SLC25A43: variants seen among roughly 807,000 people sequenced by gnomAD.
The protein encoded by SLC25A43 is solute carrier family 25 member 43.
A neutral mutation model predicts 22.8 loss-of-function variants in SLC25A43; 10 were observed. The observed-to-expected ratio is 0.44, with a 90% CI of 0.27 to 0.74. The LOEUF is 0.74. SLC25A43 is among the 30% of genes least tolerant of loss of function. The pLI, the probability that SLC25A43 is intolerant of heterozygous loss-of-function variation, is 0.17. For synonymous variants in SLC25A43, 106 were observed against 121.6 expected, an observed-to-expected ratio of 0.87 and a Z score of 0.84; for missense variants, 233 against 279.1, an observed-to-expected ratio of 0.83 and a Z score of 1.18.
chrX:119,445,659 A>G (rs2052660455), intron 3 of SLC25A43, among the ~76,000 whole-genome samples: 1 of 111,887 alleles, frequency 8.9e-6, no homozygotes, highest in South Asian at 3.7e-4. Context: ...TCTGCTATGC[A>G]CCAGCTGGGG....
At chrX:119,443,722 TTTTA>T (rs771760005) in intron 3 of SLC25A43, among the ~76,000 whole-genome samples, 7 of 106,761 alleles carry the variant, frequency 6.6e-5, no homozygotes, top group East Asian at 5.7e-4. Context: ...GAGAATTATT[TTTTA>T]TTTATTTATT....
At chrX:119,446,435 G>A (rs2052669246) in intron 3 of SLC25A43, among the ~76,000 whole-genome samples, 1 of 112,036 alleles carries the variant, frequency 8.9e-6, no homozygotes, top group Non-Finnish European at 1.9e-5. Flanking sequence ...CTGTCCCTGA[G>A]CCTCAGTTTC....
At chrX:119,401,401 C>A (rs1474884219) in intron 1 of SLC25A43, among the ~76,000 whole-genome samples, 1 of 111,484 alleles carries the variant, frequency 9.0e-6, no homozygotes, top group East Asian at 2.8e-4. Context: ...ATGTCCATGA[C>A]CATAACACAC....
chrX:119,443,448 C>CT (rs370848437), intron 3 of SLC25A43, among the ~76,000 whole-genome samples: 30,554 of 72,285 alleles, frequency 0.42, 6,301 homozygotes, highest in East Asian at 0.52. Flanking sequence ...CTCTCTCTCT[C>CT]TTTTTTTTTT....
At chrX:119,452,290 T>C (rs1432445919) in intron 4 of SLC25A43, 147 bp downstream of exon 4, 5 of 647,896 alleles carry the variant, frequency 7.7e-6, no homozygotes, top group Non-Finnish European at 1.1e-5. Flanking sequence ...GCACACTGTC[T>C]GTCAGCCCCG....
At chrX:119,451,874 A>T in intron 3 of SLC25A43, 135 bp from the exon 4 acceptor site, 2 of 1,154,576 alleles carry the variant, frequency 1.7e-6, no homozygotes, top group Non-Finnish European at 2.3e-6. Flanking sequence ...AGAACCCCAC[A>T]GCAGCCATTC....
At chrX:119,444,023 G>A (rs2052645437) in intron 3 of SLC25A43, among the ~76,000 whole-genome samples, 1 of 111,012 alleles carries the variant, frequency 9.0e-6, no homozygotes, top group Non-Finnish European at 1.9e-5. Flanking sequence ...CCAAAGTGCT[G>A]GAATTACAGG....
At chrX:119,413,634 G>A (rs1249247136) in intron 3 of SLC25A43, among the ~76,000 whole-genome samples, 1 of 108,254 alleles carries the variant, frequency 9.2e-6, no homozygotes, top group Non-Finnish European at 1.9e-5. Context: ...CTGAACCTGG[G>A]AGATGGAGGT....
At chrX:119,432,869 G>A (rs913118076) in intron 3 of SLC25A43, among the ~76,000 whole-genome samples, 5 of 109,662 alleles carry the variant, frequency 4.6e-5, no homozygotes, top group Non-Finnish European at 9.5e-5. Context: ...CCAGCACTTT[G>A]GGAGGCTGAG....
chrX:119,407,514 C>CT (rs1245477252), intron 2 of SLC25A43, among the ~76,000 whole-genome samples: 3 of 111,111 alleles, frequency 2.7e-5, no homozygotes, highest in Non-Finnish European at 5.7e-5. Context: ...ATTGCATGCG[C>CT]TTTCTCATGA....
chrX:119,425,553 T>C (rs980618187), intron 3 of SLC25A43, among the ~76,000 whole-genome samples: 3 of 108,976 alleles, frequency 2.8e-5, no homozygotes, highest in Non-Finnish European at 3.8e-5. Context: ...AACTCTCTGC[T>C]GTCATCTTAC....
At position 119,452,091 on chromosome X, in the gene SLC25A43, A is replaced by G. The variant is rs755963723; in HGVS notation, c.773A>G (p.Lys258Arg). The stretch of plus-strand genomic sequence containing the variant: ...GTGGACTGCTTCCGGCAGATAGTGA[A>G]GGCCCAGGGGGTCCTGGGGCTCTGG... ...GAVDCFRQIV[K>R]AQGVLGLWNG... The change falls in exon 4 of 5, where the codon AAG becomes AGG. Residue 258 changes from lysine to arginine, a missense_variant. By Grantham distance (26) the Lys-to-Arg change is conservative. Coordinates refer to ENST00000217909, the MANE Select transcript of SLC25A43 (RefSeq NM_145305.3). The G allele has an allele frequency of 2.5e-6, 3 of 1,209,635 alleles. No homozygotes were observed. In the South Asian group the frequency reaches 5.3e-5, roughly 21 times the overall value.
At chrX:119,400,692 A>T (rs757434483) in intron 1 of SLC25A43, among the ~76,000 whole-genome samples, 1 of 112,465 alleles carries the variant, frequency 8.9e-6, no homozygotes, top group South Asian at 3.7e-4. Context: ...CTCACCTGGC[A>T]GCCGACAAGC....
At chrX:119,411,085 T>C (rs1051365028) in intron 3 of SLC25A43, among the ~76,000 whole-genome samples, 7 of 110,518 alleles carry the variant, frequency 6.3e-5, no homozygotes, top group African/African-American at 2.3e-4. Context: ...CACTCTTGGT[T>C]TCCTCACTGT....
At chrX:119,424,093 G>A (rs2052481671) in intron 3 of SLC25A43, among the ~76,000 whole-genome samples, 1 of 108,300 alleles carries the variant, frequency 9.2e-6, no homozygotes, top group Non-Finnish European at 1.9e-5. Context: ...GGCGCCTGTG[G>A]TCCCAGCTAC....
At chrX:119,433,002 G>C (rs1282892631) in intron 3 of SLC25A43, among the ~76,000 whole-genome samples, 1 of 110,660 alleles carries the variant, frequency 9.0e-6, no homozygotes, top group Admixed American at 9.7e-5. Context: ...GGGAGGCTGA[G>C]GCAGAGAATT....
chrX:119,432,804 A>T, intron 3 of SLC25A43, among the ~76,000 whole-genome samples: 1 of 83,919 alleles, frequency 1.2e-5, no homozygotes, highest in South Asian at 5.7e-4. Context: ...AAAAAAAAAA[A>T]ACTTTTTAAA....
At chrX:119,403,969 A>T (rs1428941620) in intron 1 of SLC25A43, among the ~76,000 whole-genome samples, 1 of 105,375 alleles carries the variant, frequency 9.5e-6, no homozygotes, top group African/African-American at 3.5e-5. Flanking sequence ...CCCCAACCAG[A>T]CACTAGTCAC....
chrX:119,452,819 T>C (rs760415412), intron 4 of SLC25A43, 46 bp from the exon 5 acceptor site: 3 of 1,091,740 alleles, frequency 2.7e-6, no homozygotes, highest in African/African-American at 1.8e-5. Context: ...ACATTGATGT[T>C]TTCTTTTTAA....
Sources: allele counts gnomAD v4.1 joint callset (sites outside exome capture counted in the v4.1 genomes callset), GRCh38; gene constraint gnomAD v4.1.1; transcripts MANE v1.5; gene names NCBI Gene and HGNC (gene_info 2026-07-23, HGNC 2026-07-21).